The following GNL1 variants were observed in gnomAD, a reference collection of about 807,000 sequenced individuals.
GNL1 encodes G protein nucleolar 1.
GNL1 carries 21 observed loss-of-function variants against 75.2 expected under a neutral mutation model. That is an observed-to-expected ratio of 0.28 (90% confidence interval 0.20 to 0.40). GNL1 has a LOEUF of 0.40. Among genes scored for constraint, GNL1 ranks in the 10% least tolerant of loss-of-function variants. GNL1 has a pLI of 1.00. For synonymous variants in GNL1, 287 were observed against 303.4 expected (o/e 0.95, Z 0.56); for missense variants, 579 against 775.0 (o/e 0.75, Z 3.00).
chr6:30,554,331 G>A (rs1799995111), intron 5 of GNL1, among the ~76,000 whole-genome samples: 1 of 152,124 alleles, frequency 6.6e-6, no homozygotes, highest in Non-Finnish European at 1.5e-5. Context: ...ATTTTCTATT[G>A]GTCTGTGATG....
At position 30,546,247 on chromosome 6, in the gene GNL1, C is replaced by G; in HGVS notation, c.1649G>C (p.Gly550Ala). The change falls in exon 12 of 12, where the codon GGT becomes GCT. Residue 550 changes from glycine (G) to alanine (A), a missense_variant. Transcript: ENST00000376621. The surrounding 1 kb of genome is among the most constrained non-coding windows in gnomAD (Gnocchi z 5.1). ...TTCCTCTTCCTCCTCCTCCTCGTCA[C>G]CTGCTGGCCCCACCCTGCCCTGCAA... ...VVLQGRVGPA[G>A]DEEEEEEEEL... 3.2e-6 allele frequency: 5 copies of G among 1,585,842 alleles called. No individual in the cohort carries two copies. The highest frequency in any genetic ancestry group is 3.4e-6 in the Non-Finnish European group (4 of 1,164,282).
At chr6:30,554,720 A>G (rs772986791) in intron 4 of GNL1, 44 bp downstream of exon 4, 1 of 1,603,852 alleles carries the variant, frequency 6.2e-7, no homozygotes, top group African/African-American at 1.3e-5. Context: ...CAATTTGACC[A>G]TAGGTCACTA....
In GNL1 at chr6:30,555,576, G is replaced by A; in HGVS notation, c.218C>T (p.Pro73Leu). ...LNQQPSQGLGPRGYDPNRYRL... is the reference protein window; with the variant it reads ...LNQQPSQGLGLRGYDPNRYRL... ...TCACCGATTTGGGTCGTAGCCTCGT[G>A]GACCCAGCCCCTGAGAAGGCTGCTG... The change falls in exon 2 of 12, where the codon CCA (proline) becomes CTA (leucine). Residue 73 changes from proline (P) to leucine (L), a missense_variant. Pro to Leu is a moderately conservative substitution (Grantham distance 98). Transcript: ENST00000376621. This position sits in a 1 kb window ranked among gnomAD's most constrained non-coding sequence, Gnocchi z 4.3. The A allele has an allele frequency of 3.1e-6, 5 of 1,613,742 alleles. No homozygotes were observed. Among genetic ancestry groups the A allele is most frequent in the Non-Finnish European group, 4.2e-6 (5 of 1,179,846 alleles).
At chr6:30,553,874 A>G (rs191144640) in intron 5 of GNL1, among the ~76,000 whole-genome samples, 1 of 152,328 alleles carries the variant, frequency 6.6e-6, no homozygotes, top group East Asian at 1.9e-4. Context: ...GGTAGAAATT[A>G]GTCTGCTTTT....
Position 30,542,132 on chromosome 6 carries a change from T to C in GNL1, c.*3940A>G, listed in dbSNP as rs956867258. Reference sequence around the variant, plus strand: ...TCCTCACCTCCACTGCCTTTACGCTTTTCCTCCAAATTATTCCTTAACCCT... The same window carrying C: ...TCCTCACCTCCACTGCCTTTACGCTCTTCCTCCAAATTATTCCTTAACCCT... On this transcript the variant is annotated 3_prime_UTR_variant, in exon 12 of 12. Coordinates refer to ENST00000376621, the MANE Select transcript of GNL1 (RefSeq NM_005275.5). This position sits in a 1 kb window ranked among gnomAD's most constrained non-coding sequence, Gnocchi z 4.5. The C allele has an allele frequency of 6.6e-6, 1 of 152,356 alleles. No individual in the cohort carries two copies. Among genetic ancestry groups the C allele is most frequent in the African/African-American group, 2.4e-5 (1 of 41,394 alleles). The allele number at this position is 152,356 out of a possible 1,614,324, so 9.4% of individuals were successfully genotyped here.
At position 30,556,336 on chromosome 6, in the gene GNL1, G is replaced by A. The variant is rs188585296; in HGVS notation, c.-133C>T. On this transcript the variant is annotated 5_prime_UTR_variant, in exon 1 of 12. Transcript: ENST00000376621. The surrounding 1 kb of genome is among the most constrained non-coding windows in gnomAD (Gnocchi z 5.7). ...GGGCTAGCAGGTGACGTCAGCGGGC[G>A]GGCCCGACAGAATTACCGCCGCGGC... The A allele has an allele frequency of 1.3e-3, 1,295 of 991,206 alleles. 2 individuals carry two copies. The highest frequency in any genetic ancestry group is 6.2e-3 in the Admixed American group (270 of 43,394). The allele number at this position is 991,206 out of a possible 1,614,324, so 61.4% of individuals were successfully genotyped here.
In GNL1 at chr6:30,543,603, T is replaced by C. The variant is rs945914304; in HGVS notation, c.*2469A>G. The C allele has an allele frequency of 6.6e-6, 1 of 152,240 alleles. No homozygotes were observed. Among genetic ancestry groups the C allele is most frequent in the Non-Finnish European group, 1.5e-5 (1 of 68,038 alleles). The allele number at this position is 152,240 out of a possible 1,614,324, so 9.4% of individuals were successfully genotyped here. A position where few individuals can be genotyped will look rare whatever the true frequency, so the allele number is the denominator to read the frequency against. On this transcript the variant is annotated 3_prime_UTR_variant, in exon 12 of 12. Coordinates refer to ENST00000376621, the MANE Select transcript of GNL1 (RefSeq NM_005275.5). The stretch of plus-strand genomic sequence containing the variant: ...GAGCTATTGTATTATATTATTATTA[T>C]TCTATTCCTACCCTCTATTGCTTGA...
rs934950389 is a variant in GNL1 at position 30,546,977 on chromosome 6, G to C, written c.1441+135C>G. ...TACTGGCTATGCAACAAAAATCTAG[G>C]GGTGAGTGGACAGCAGCTTCATCAA... On this transcript the variant is annotated intron_variant, in intron 10 of 11. Transcript: ENST00000376621. This position sits in a 1 kb window ranked among gnomAD's most constrained non-coding sequence, Gnocchi z 5.1. 1 of 1,106,626 alleles carries C rather than the reference G, an allele frequency of 9.0e-7. No homozygotes were observed. The highest frequency in any genetic ancestry group is 1.4e-6 in the Non-Finnish European group (1 of 740,222). The allele number at this position is 1,106,626 out of a possible 1,614,324, so 68.6% of individuals were successfully genotyped here.
rs915210948 is a variant in GNL1, at chr6:30,541,888, C to G, written c.*4184G>C. ...ACCGGCGCCTGCCTGAGGGCACTCC[C>G]CTCACTGGGACTCTCAGTACCACGC... On this transcript the variant is annotated 3_prime_UTR_variant, in exon 12 of 12. Transcript: ENST00000376621. The G allele has an allele frequency of 6.6e-6, 1 of 152,242 alleles. No individual in the cohort carries two copies. The highest frequency in any genetic ancestry group is 2.4e-5 in the African/African-American group (1 of 41,436). 9.4% of individuals were successfully genotyped at this position (152,242 alleles called of 1,614,324 possible).
chr6:30,553,570 T>C lies in GNL1; in HGVS notation c.601-13A>G. ...GGAAATTCACAACCTAGGACAGAGT[T>C]GATAAGAGGATGGAGCAGTGAAAGT... On this transcript the variant is annotated splice_polypyrimidine_tract_variant and intron_variant, in intron 5 of 11. Transcript: ENST00000376621. 1 of 1,590,460 alleles carries C rather than the reference T, an allele frequency of 6.3e-7. No homozygotes were observed. The highest frequency in any genetic ancestry group is 8.6e-7 in the Non-Finnish European group (1 of 1,159,606).
In GNL1 at chr6:30,556,414, C is replaced by T. The variant is rs970625255; in HGVS notation, c.-211G>A. On this transcript the variant is annotated 5_prime_UTR_variant, in exon 1 of 12. Coordinates refer to ENST00000376621, the MANE Select transcript of GNL1 (RefSeq NM_005275.5). This position sits in a 1 kb window ranked among gnomAD's most constrained non-coding sequence, Gnocchi z 5.7. ...TAGTCACTTCCCTCCAGGAGCGAGG[C>T]GAGAGGATGATGCGGGGTGGGCTAC... 3 of 602,572 alleles carry T rather than the reference C, an allele frequency of 5.0e-6. No homozygotes were observed. Among genetic ancestry groups the T allele is most frequent in the Non-Finnish European group, 5.8e-6 (2 of 342,398 alleles). The allele number at this position is 602,572 out of a possible 1,614,324, so 37.3% of individuals were successfully genotyped here.
Position 30,547,057 on chromosome 6 carries a change from G to C in GNL1, c.1441+55C>G. The C allele has an allele frequency of 6.7e-7, 1 of 1,489,384 alleles. No homozygotes were observed. Among genetic ancestry groups the C allele is most frequent in the South Asian group, 1.1e-5 (1 of 88,596 alleles). The allele number at this position is 1,489,384 out of a possible 1,614,324, so 92.3% of individuals were successfully genotyped here. ...ACAGGGAAGGGTAAAAGGCGAGGCA[G>C]GTAAGGAAGAGCAGCTGAAACCAGG... On this transcript the variant is annotated intron_variant, in intron 10 of 11. Transcript: ENST00000376621. This position sits in a 1 kb window ranked among gnomAD's most constrained non-coding sequence, Gnocchi z 5.5.
rs1249900264 is a variant in GNL1, at chr6:30,545,354, G to C, written c.*718C>G. The C allele has an allele frequency of 6.6e-6, 1 of 152,202 alleles. No homozygotes were observed. Among genetic ancestry groups the C allele is most frequent in the Non-Finnish European group, 1.5e-5 (1 of 68,032 alleles). The allele number at this position is 152,202 out of a possible 1,614,324, so 9.4% of individuals were successfully genotyped here. On this transcript the variant is annotated 3_prime_UTR_variant, in exon 12 of 12. Coordinates refer to ENST00000376621, the MANE Select transcript of GNL1 (RefSeq NM_005275.5). ...AGCGTTTTGCCTTAACTAAAAATTT[G>C]TATCAACATGAAGTCCTAGAATTAT...
chr6:30,552,677 G>A lies in GNL1; in HGVS notation c.905-16C>T. The A allele has an allele frequency of 1.2e-6, 2 of 1,607,078 alleles. No homozygotes were observed. The highest frequency in any genetic ancestry group is 1.7e-6 in the Non-Finnish European group (2 of 1,175,700). On this transcript the variant is annotated splice_polypyrimidine_tract_variant and intron_variant, in intron 7 of 11. Transcript: ENST00000376621. This position sits in a 1 kb window ranked among gnomAD's most constrained non-coding sequence, Gnocchi z 4.5. Reference sequence around the variant, plus strand: ...CTCAAGTCCACTGCTCAAAGAAGGAGAAGATTAAAGAGGTTCTCCCCAGGG... The same window carrying A: ...CTCAAGTCCACTGCTCAAAGAAGGAAAAGATTAAAGAGGTTCTCCCCAGGG...
In GNL1 at chr6:30,556,055, G is replaced by T. The variant is rs931114352; in HGVS notation, c.73+76C>A. The T allele has an allele frequency of 1.9e-6, 3 of 1,550,680 alleles. No individual in the cohort carries two copies. The highest frequency in any genetic ancestry group is 2.6e-6 in the Non-Finnish European group (3 of 1,136,980). On this transcript the variant is annotated intron_variant, in intron 1 of 11. Transcript: ENST00000376621. This position sits in a 1 kb window ranked among gnomAD's most constrained non-coding sequence, Gnocchi z 5.7. ...ACGACCCCCTCCCACGATCCCCAGA[G>T]GTGCAGCGGGCACACCCCTCCTTCC...
chr6:30,554,626 C>T lies in GNL1; in HGVS notation c.549G>A (p.Arg183=). The change falls in exon 5 of 12, where the codon CGG becomes CGA. Residue 183 remains arginine (R), a synonymous_variant. Coordinates refer to ENST00000376621, the MANE Select transcript of GNL1 (RefSeq NM_005275.5). ...GGACGATGTCAGACATCTCTAACAC[C>T]CGCCACAGCTGCCTCCATGTCTAAA... ...HNLETWRQLW[R]VLEMSDIVLL... 4 of 1,607,292 alleles carry T rather than the reference C, an allele frequency of 2.5e-6. No homozygotes were observed. Among genetic ancestry groups the T allele is most frequent in the South Asian group, 1.1e-5 (1 of 90,922 alleles).
Position 30,555,243 on chromosome 6 carries a change from C to A in GNL1, c.240-52G>T. ...AGAGCAATCCTGTGGCCACAAACTC[C>A]TATTTTCTCCCCTCTTGTACAATCA... is the stretch of plus-strand genomic sequence containing the variant. On this transcript the variant is annotated intron_variant, in intron 2 of 11. Coordinates refer to ENST00000376621, the MANE Select transcript of GNL1 (RefSeq NM_005275.5). The surrounding 1 kb of genome is among the most constrained non-coding windows in gnomAD (Gnocchi z 4.3). The A allele has an allele frequency of 6.2e-7, 1 of 1,607,216 alleles. No homozygotes were observed. The highest frequency in any genetic ancestry group is 1.3e-5 in the African/African-American group (1 of 74,930).
rs1352502170 is a variant in GNL1, at chr6:30,541,985, A to G, written c.*4087T>C. 6.6e-6 allele frequency: 1 copy of G among 152,068 alleles called. No individual in the cohort carries two copies. The highest frequency in any genetic ancestry group is 1.5e-5 in the Non-Finnish European group (1 of 68,026). The allele number at this position is 152,068 out of a possible 1,614,324, so 9.4% of individuals were successfully genotyped here. A position where few individuals can be genotyped will look rare whatever the true frequency, so the allele number is the denominator to read the frequency against. On this transcript the variant is annotated 3_prime_UTR_variant, in exon 12 of 12. Coordinates refer to ENST00000376621, the MANE Select transcript of GNL1 (RefSeq NM_005275.5). ...CATTTTCACCTTTCTCCTTCACTTG[A>G]TCCTTCTTCCTAACATCGTGTTAAC... is the stretch of plus-strand genomic sequence containing the variant.
At position 30,542,444 on chromosome 6, in the gene GNL1, ATC is replaced by A. The variant is rs1174227973; in HGVS notation, c.*3626_*3627del. On this transcript the variant is annotated 3_prime_UTR_variant, in exon 12 of 12. Transcript: ENST00000376621. This position sits in a 1 kb window ranked among gnomAD's most constrained non-coding sequence, Gnocchi z 4.5. ...ACACCTATATGTTGATGATGCCCAA[ATC>A]TCTGTCTCCAGCCACGACCTCTCTT... is the stretch of plus-strand genomic sequence containing the variant. 1 of 152,138 alleles carries A rather than the reference ATC, an allele frequency of 6.6e-6. No homozygotes were observed. The highest frequency in any genetic ancestry group is 1.5e-5 in the Non-Finnish European group (1 of 68,046). The allele number at this position is 152,138 out of a possible 1,614,324, so 9.4% of individuals were successfully genotyped here. A position where few individuals can be genotyped will look rare whatever the true frequency, so the allele number is the denominator to read the frequency against.
Sources: allele counts gnomAD v4.1 joint callset (sites outside exome capture counted in the v4.1 genomes callset), GRCh38; gene constraint gnomAD v4.1.1; non-coding constraint Gnocchi (gnomAD v3.1); transcripts MANE v1.5; gene names NCBI Gene and HGNC (gene_info 2026-07-23, HGNC 2026-07-21).